The following ECT2L variants were observed in gnomAD, a reference collection of about 807,000 sequenced individuals.
ECT2L encodes epithelial cell transforming 2 like.
Under a neutral mutation model 122.8 loss-of-function variants are expected in ECT2L, and 126 were observed. The ratio of observed to expected loss-of-function variants is 1.03; its 90% CI spans 0.89 to 1.19. The LOEUF (loss-of-function observed/expected upper bound fraction) is 1.19, where lower values mean the gene tolerates loss of function less well. Among genes scored for constraint, ECT2L ranks in the 50% most tolerant of loss-of-function variants. The pLI, the probability that ECT2L is intolerant of heterozygous loss-of-function variation, is 0.00. For synonymous variants in ECT2L, 385 were observed against 381.8 expected (o/e 1.01, Z -0.10); for missense variants, 1,012 against 1,064.1 (o/e 0.95, Z 0.68).
intron 1 of ECT2L, among the ~76,000 whole-genome samples, chr6:138,807,165 G>T (rs183965501): frequency 6.6e-6 from 1 of 151,532 alleles, no homozygotes; most frequent in Non-Finnish European, 1.5e-5. Flanking sequence ...GTGGAGACAG[G>T]GTTTTGCCAT....
chr6:138,903,018 T>C lies in ECT2L; in HGVS notation c.*391T>C. 1 of 165,800 alleles carries C rather than the reference T, an allele frequency of 6.0e-6. No homozygotes were observed. Among genetic ancestry groups the C allele is most frequent in the Non-Finnish European group, 1.3e-5 (1 of 77,760 alleles). The allele number at this position is 165,800 out of a possible 1,614,324, so 10.3% of individuals were successfully genotyped here. On this transcript the variant is annotated 3_prime_UTR_variant, in exon 22 of 22. Transcript: ENST00000541398. ...CTAGAAAGATATTTTAATTTGTTGG[T>C]GATTTACCATTTTTAACATTTTCAT...
chr6:138,866,787 T>G (rs946067034), intron 12 of ECT2L, among the ~76,000 whole-genome samples: 1 of 152,232 alleles, frequency 6.6e-6, no homozygotes, highest in Non-Finnish European at 1.5e-5. Flanking sequence ...ATTTATATAT[T>G]TGAAGCCTGG....
At position 138,836,429 on chromosome 6, in the gene ECT2L, C is replaced by T. The variant is rs539300866; in HGVS notation, c.180-1923C>T. Among the ~76,000 whole-genome samples the T allele has an allele frequency of 1.4e-4, 21 of 151,840 alleles. No homozygotes were observed. In the South Asian group the frequency reaches 4.4e-3, roughly 32 times the overall value. On this transcript the variant is annotated intron_variant, in intron 4 of 21. Transcript: ENST00000541398. ...TCAGCCTCCTGAGTAGCTGGGATTA[C>T]AAGCGTACACCACCATGCCCGGCTA...
intron 4 of ECT2L, among the ~76,000 whole-genome samples, chr6:138,825,156 G>C (rs924160573): frequency 6.6e-6 from 1 of 152,190 alleles, no homozygotes; most frequent in Non-Finnish European, 1.5e-5. Context: ...GAGTCTGAAG[G>C]ATGAGTAGGA....
rs552798793 is a variant in ECT2L at position 138,886,910 on chromosome 6, C to G, written c.2313C>G (p.Ile771Met). The G allele has an allele frequency of 1.2e-6, 2 of 1,612,886 alleles. No individual in the cohort carries two copies. Among genetic ancestry groups the G allele is most frequent in the South Asian group, 1.1e-5 (1 of 90,900 alleles). ...ATCTGTCAGATATACAGAGAATCAT[C>G]TGGGGATGCCCTGTATGTATTCTTA... ...KDHLSDIQRI[I>M]WGCPTLSEVN... The change falls in exon 19 of 22, where the codon ATC (isoleucine) becomes ATG (methionine). Residue 771 changes from isoleucine to methionine, a missense_variant. Coordinates refer to ENST00000541398, the MANE Select transcript of ECT2L (RefSeq NM_001077706.3).
intron 4 of ECT2L, among the ~76,000 whole-genome samples, chr6:138,834,535 G>A (rs1481749730): frequency 6.6e-6 from 1 of 152,132 alleles, no homozygotes; most frequent in African/African-American, 2.4e-5. Context: ...GAAGGTAGTA[G>A]ACATGAAAAT....
intron 10 of ECT2L, among the ~76,000 whole-genome samples, chr6:138,855,242 T>G (rs985262976): frequency 1.3e-5 from 2 of 152,198 alleles, no homozygotes; most frequent in Non-Finnish European, 2.9e-5. Flanking sequence ...GTGTGGTGGC[T>G]CACACCTGTA....
chr6:138,861,872 A>G (rs1377439629), intron 10 of ECT2L, among the ~76,000 whole-genome samples: 2 of 152,224 alleles, frequency 1.3e-5, no homozygotes, highest in Admixed American at 6.5e-5. Flanking sequence ...TCCTCTTACA[A>G]TGAGACTTCT....
chr6:138,864,849 G>A, intron 11 of ECT2L, 147 bp from the exon 12 acceptor site: 2 of 645,390 alleles, frequency 3.1e-6, no homozygotes, highest in Non-Finnish European at 4.9e-6. Flanking sequence ...TGAAAACAGA[G>A]GATGGGTGTT....
At chr6:138,873,900 G>GTGTGTGTA (rs1554277037) in intron 13 of ECT2L, among the ~76,000 whole-genome samples, 7 of 150,872 alleles carry the variant, frequency 4.6e-5, no homozygotes, top group African/African-American at 1.7e-4. Context: ...GTGTGTGTGT[G>GTGTGTGTA]TGTGTGTGTG....
chr6:138,891,392 A>G (rs921999525), intron 20 of ECT2L, among the ~76,000 whole-genome samples: 11 of 152,124 alleles, frequency 7.2e-5, no homozygotes, highest in Non-Finnish European at 1.3e-4. Flanking sequence ...AGCTGAGAGT[A>G]TGTTATCTTT....
intron 14 of ECT2L, chr6:138,878,925 T>C (rs917339326): frequency 6.5e-5 from 10 of 153,200 alleles, no homozygotes; most frequent in African/African-American, 2.4e-4. Context: ...AATGAAAGAA[T>C]AGAGCAAACT....
intron 4 of ECT2L, among the ~76,000 whole-genome samples, chr6:138,830,149 T>C (rs760104110): frequency 2.6e-5 from 4 of 152,240 alleles, no homozygotes; most frequent in Non-Finnish European, 5.9e-5. Context: ...AATCCAATTT[T>C]GTTTGATAAT....
intron 4 of ECT2L, among the ~76,000 whole-genome samples, chr6:138,835,510 C>T (rs1039861161): frequency 1.3e-5 from 2 of 151,330 alleles, no homozygotes; most frequent in African/African-American, 4.9e-5. Context: ...TGAGATTGCG[C>T]CACTGCCCTC....
rs375980668 is a variant in ECT2L at position 138,844,660 on chromosome 6, G to A, written c.764+80G>A. ...ACTCTAGAATAAATTTAGCTATCAC[G>A]CAGAAATCTTGTGTAATTCTGTGGC... On this transcript the variant is annotated intron_variant, in intron 7 of 21. Transcript: ENST00000541398. 3.0e-5 allele frequency: 40 copies of A among 1,348,020 alleles called. 1 individual carries two copies. The highest frequency in any genetic ancestry group is 1.8e-4 in the Middle Eastern group (1 of 5,516). 83.5% of individuals were successfully genotyped at this position (1,348,020 alleles called of 1,614,324 possible). A position where few individuals can be genotyped will look rare whatever the true frequency, so the allele number is the denominator to read the frequency against.
Position 138,885,590 on chromosome 6 carries a change from AG to A in ECT2L, c.2102+14del. Reference sequence around the variant, plus strand: ...TACCAAAATGCTGAGGTACGTTCTGAGGGAGAGCACAGCAGGGGTCCCCCCA... The same window carrying A: ...TACCAAAATGCTGAGGTACGTTCTGAGGAGAGCACAGCAGGGGTCCCCCCA... On this transcript the variant is annotated intron_variant, in intron 17 of 21. Transcript: ENST00000541398. 6.2e-7 allele frequency: 1 copy of A among 1,614,188 alleles called. No individual in the cohort carries two copies. Among genetic ancestry groups the A allele is most frequent in the East Asian group, 2.2e-5 (1 of 44,870 alleles).
chr6:138,820,233 G>A (rs1359213116), intron 4 of ECT2L, among the ~76,000 whole-genome samples: 1 of 152,186 alleles, frequency 6.6e-6, no homozygotes, highest in African/African-American at 2.4e-5. Context: ...TCTGCTTTAG[G>A]AAAGGGCGTG....
chr6:138,816,878 GATC>G (rs1249508533), intron 4 of ECT2L, among the ~76,000 whole-genome samples: 1 of 152,168 alleles, frequency 6.6e-6, no homozygotes, highest in South Asian at 2.1e-4. Context: ...AGAGTTGTGT[GATC>G]ATCATCACAT....
intron 4 of ECT2L, among the ~76,000 whole-genome samples, chr6:138,819,772 A>G (rs774389846): frequency 3.0e-4 from 46 of 152,008 alleles, no homozygotes; most frequent in Non-Finnish European, 4.1e-4. Context: ...CTCTAATCCC[A>G]GCTATTCGGG....
Sources: gnomAD v4.1 joint callset for allele counts (sites outside exome capture counted in the v4.1 genomes callset) on GRCh38, gnomAD v4.1.1 for gene constraint, MANE v1.5 for transcripts, NCBI Gene and HGNC (gene_info 2026-07-23, HGNC 2026-07-21) for gene names.